Variants in DNAH14 observed in about 807,000 individuals in gnomAD.
DNAH14 encodes dynein axonemal heavy chain 14.
Under a neutral mutation model 520.9 loss-of-function variants are expected in DNAH14, and 478 were observed. The ratio of observed to expected loss-of-function variants is 0.92; its 90% CI spans 0.85 to 0.99. DNAH14 has a LOEUF of 0.99. Ranked by LOEUF, DNAH14 falls within the 50% of genes least tolerant of loss-of-function variation. The pLI is 0.00. For synonymous variants in DNAH14, 1,581 were observed against 1,757.2 expected, an observed-to-expected ratio of 0.90 and a Z score of 2.51; for missense variants, 4,831 against 5,234.5, an observed-to-expected ratio of 0.92 and a Z score of 2.38.
intron 41 of DNAH14, among the ~76,000 whole-genome samples, chr1:225,214,392 A>G (rs12088056): frequency 0.15 from 23,380 of 151,954 alleles, 2,097 homozygotes; most frequent in East Asian, 0.36. Flanking sequence ...GTCTCTGCCC[A>G]GCTTTGGTAT....
At chr1:224,929,923 G>T in intron 1 of DNAH14, 88 bp downstream of exon 1, 1 of 565,386 alleles carries the variant, frequency 1.8e-6, no homozygotes, top group Non-Finnish European at 3.1e-6. Context: ...CACTGGGAGG[G>T]CTGCGTGGGC....
chr1:225,341,536 C>T (rs2095180623), intron 69 of DNAH14, among the ~76,000 whole-genome samples: 1 of 152,098 alleles, frequency 6.6e-6, no homozygotes, highest in African/African-American at 2.4e-5. Context: ...CTTGGTGGCG[C>T]ATGCCTGTAA....
chr1:225,247,793 G>A (rs910892335), intron 43 of DNAH14, among the ~76,000 whole-genome samples: 26 of 152,090 alleles, frequency 1.7e-4, no homozygotes, highest in African/African-American at 6.3e-4. Context: ...TTGGGAGGCC[G>A]AGGCAGGCGG....
At chr1:225,171,682 G>C (rs905567214) in intron 36 of DNAH14, among the ~76,000 whole-genome samples, 6 of 152,094 alleles carry the variant, frequency 3.9e-5, no homozygotes, top group African/African-American at 1.4e-4. Context: ...GCCGACTTCT[G>C]TCAGAGGTAC....
At chr1:224,939,727 C>T (rs768470087) in intron 1 of DNAH14, among the ~76,000 whole-genome samples, 2 of 152,008 alleles carry the variant, frequency 1.3e-5, no homozygotes, top group African/African-American at 2.4e-5. Context: ...AAATAATAAA[C>T]ATCTGCAAGC....
chr1:225,351,608 T>C, intron 71 of DNAH14, 39 bp from the exon 72 acceptor site: 2 of 1,438,134 alleles, frequency 1.4e-6, no homozygotes, highest in Non-Finnish European at 9.3e-7. Context: ...AGGTAAAGGT[T>C]TATCTCTTCT....
At chr1:225,338,586 G>C (rs1187521467) in intron 68 of DNAH14, among the ~76,000 whole-genome samples, 1 of 152,100 alleles carries the variant, frequency 6.6e-6, no homozygotes, top group African/African-American at 2.4e-5. Context: ...AGAGCAAAAA[G>C]AGATTTTTGC....
In DNAH14 at chr1:225,156,709, C is replaced by CTTTTTTTT. The variant is rs71170061; in HGVS notation, c.5274-2589_5274-2582dup. 2.4e-3 allele frequency among the ~76,000 whole-genome samples: 163 copies of CTTTTTTTT among 68,160 alleles called. 5 individuals are homozygous for CTTTTTTTT. Among genetic ancestry groups the CTTTTTTTT allele is most frequent in the Non-Finnish European group, 3.2e-3 (130 of 41,220 alleles). The allele number at this position is 68,160 out of a possible 152,430, so 44.7% of individuals were successfully genotyped here. A position where few individuals can be genotyped will look rare whatever the true frequency, so the allele number is the denominator to read the frequency against. On this transcript the variant is annotated intron_variant, in intron 34 of 85. Coordinates refer to ENST00000682510, the MANE Select transcript of DNAH14 (RefSeq NM_001367479.1). ...TCTAGGATAAACTCCTCTTAAAATTCTTTTTTTTTTTTTTTTTTTTTTTGA... is the reference window on the plus strand; with the variant it reads ...TCTAGGATAAACTCCTCTTAAAATTCTTTTTTTTTTTTTTTTTTTTTTTTTTTTTTTGA...
At chr1:225,055,176 A>G (rs2068914321) in intron 17 of DNAH14, among the ~76,000 whole-genome samples, 1 of 152,144 alleles carries the variant, frequency 6.6e-6, no homozygotes, top group South Asian at 2.1e-4. Flanking sequence ...CAAAATGTTT[A>G]TCCTCTAAGA....
chr1:225,256,512 G>A (rs898301342), intron 44 of DNAH14, among the ~76,000 whole-genome samples: 3 of 152,176 alleles, frequency 2.0e-5, no homozygotes, highest in East Asian at 1.9e-4. Flanking sequence ...TAAGTTTAAC[G>A]AGAAATATGC....
At chr1:224,952,607 C>T (rs1388116532) in intron 1 of DNAH14, 63 bp from the exon 2 acceptor site, 13 of 902,928 alleles carry the variant, frequency 1.4e-5, no homozygotes, top group South Asian at 2.2e-5. Context: ...ATTTTGAATA[C>T]CAATTGTCAT....
chr1:225,059,627 G>A (rs757498982), intron 17 of DNAH14, among the ~76,000 whole-genome samples: 4 of 151,810 alleles, frequency 2.6e-5, no homozygotes, highest in African/African-American at 9.7e-5. Flanking sequence ...AGCCTCGATG[G>A]TCTTTACAAT....
rs1188065054 is a variant in DNAH14 at position 225,273,024 on chromosome 1, G to T, written c.7909G>T (p.Val2637Phe). ...CAAAGAGATGGCTGCTCTGCTCTTT[G>T]TTCATGAAGCCACCCGAGTATTTCA... Reference protein sequence around the residue: ...NSKEMAALLFVHEATRVFHDR... With the variant: ...NSKEMAALLFFHEATRVFHDR... Residue 2637 changes from valine (V) to phenylalanine (F), a missense_variant, in exon 52 of 86, where the codon GTT (valine) becomes TTT (phenylalanine). Transcript: ENST00000682510. The T allele has an allele frequency of 6.4e-7, 1 of 1,551,586 alleles. No individual in the cohort carries two copies. The highest frequency in any genetic ancestry group is 2.4e-5 in the East Asian group (1 of 40,912).
intron 36 of DNAH14, among the ~76,000 whole-genome samples, chr1:225,172,560 T>C (rs952680154): frequency 1.3e-5 from 2 of 152,154 alleles, no homozygotes; most frequent in African/African-American, 4.8e-5. Context: ...TTACAAGGGA[T>C]ATGAAGGACC....
At chr1:225,372,035 A>T (rs2095624762) in intron 77 of DNAH14, among the ~76,000 whole-genome samples, 1 of 152,200 alleles carries the variant, frequency 6.6e-6, no homozygotes, top group Non-Finnish European at 1.5e-5. Context: ...AGTACACCTA[A>T]GAAACTTGCC....
At chr1:225,329,954 GA>G in intron 64 of DNAH14, among the ~76,000 whole-genome samples, 1 of 152,180 alleles carries the variant, frequency 6.6e-6, no homozygotes, top group South Asian at 2.1e-4. Context: ...CATCTCTATA[GA>G]AAAAAATCTA....
intron 23 of DNAH14, 77 bp from the exon 24 acceptor site, chr1:225,117,607 A>G (rs2076962764): frequency 1.1e-6 from 1 of 872,930 alleles, no homozygotes. Flanking sequence ...GTTTGTAAGT[A>G]TAGGTCAAAA....
In DNAH14 at chr1:225,389,723, C is replaced by T. The variant is rs1302699936; in HGVS notation, c.13191-11C>T. The T allele has an allele frequency of 6.4e-7, 1 of 1,551,892 alleles. No individual in the cohort carries two copies. On this transcript the variant is annotated splice_polypyrimidine_tract_variant and intron_variant, in intron 82 of 85. Coordinates refer to ENST00000682510, the MANE Select transcript of DNAH14 (RefSeq NM_001367479.1). ...CCCTTAACCCCCAACCTGTGGTCTG[C>T]CTTCCACTAGGTATATGAGATTTGT...
At chr1:225,085,480 C>T in intron 20 of DNAH14, 64 bp from the exon 21 acceptor site, 5 of 1,375,232 alleles carry the variant, frequency 3.6e-6, no homozygotes, top group South Asian at 3.0e-5. Context: ...TTAAAATTTC[C>T]ATTTTGGACA....
Sources: gnomAD v4.1 joint callset for allele counts (sites outside exome capture counted in the v4.1 genomes callset) on GRCh38, gnomAD v4.1.1 for gene constraint, MANE v1.5 for transcripts, NCBI Gene and HGNC (gene_info 2026-07-23, HGNC 2026-07-21) for gene names.